Variants in WWOX observed in about 807,000 individuals in gnomAD.
The protein encoded by WWOX is WW domain containing oxidoreductase.
WWOX carries 69 observed loss-of-function variants against 46.2 expected under a neutral mutation model. The observed-to-expected ratio is 1.49, with a 90% CI of 1.23 to 1.82. WWOX has a LOEUF of 1.82. WWOX is among the 40% of genes most tolerant of loss of function. The probability of loss-of-function intolerance (pLI) is 0.00; values close to 1 mark genes in which losing one functional copy is unlikely to be tolerated. For synonymous variants in WWOX, 359 were observed against 202.6 expected, an observed-to-expected ratio of 1.77 and a Z score of -6.56; for missense variants, 919 against 542.6, an observed-to-expected ratio of 1.69 and a Z score of -6.89.
rs953162600 is a variant in WWOX, at chr16:78,846,431, A to AT, written c.1057-365169dup. On this transcript the variant is annotated intron_variant, in intron 8 of 8. Coordinates refer to ENST00000566780, the MANE Select transcript of WWOX (RefSeq NM_016373.4). ...GGTCTGGGACAGTTTCTCATGCATT[A>AT]TTTTTTTTAATGGCCTTGAAATTTT... 8.6e-5 allele frequency among the ~76,000 whole-genome samples: 13 copies of AT among 151,662 alleles called. No homozygotes were observed. The South Asian group carries it at 1.5e-3, about 17-fold the overall frequency.
At chr16:78,518,463 T>C (rs2043284107) in intron 8 of WWOX, among the ~76,000 whole-genome samples, 1 of 152,108 alleles carries the variant, frequency 6.6e-6, no homozygotes, top group South Asian at 2.1e-4. Context: ...TCAAGTGATC[T>C]GTCCGCCTCG....
intron 8 of WWOX, among the ~76,000 whole-genome samples, chr16:78,807,734 C>G (rs1159124831): frequency 1.3e-5 from 2 of 152,216 alleles, no homozygotes; most frequent in Admixed American, 6.5e-5. Context: ...TGGGGCTTCT[C>G]CAAAGTGGCC....
chr16:78,394,907 G>A (rs571899808), intron 6 of WWOX, among the ~76,000 whole-genome samples: 1 of 152,210 alleles, frequency 6.6e-6, no homozygotes, highest in South Asian at 2.1e-4. Context: ...CTTACTGGCT[G>A]TGTGGCTTTG....
intron 8 of WWOX, among the ~76,000 whole-genome samples, chr16:78,886,204 C>T (rs551004019): frequency 2.6e-4 from 39 of 150,266 alleles, no homozygotes; most frequent in Middle Eastern, 3.5e-3. Context: ...GGATTACAGG[C>T]ATGAACCACT....
chr16:78,975,949 A>T (rs1259375646), intron 8 of WWOX, among the ~76,000 whole-genome samples: 1 of 152,120 alleles, frequency 6.6e-6, no homozygotes, highest in African/African-American at 2.4e-5. Flanking sequence ...CCATCCCCTG[A>T]TACCCTCCTG....
intron 4 of WWOX, among the ~76,000 whole-genome samples, chr16:78,130,836 A>G (rs982324450): frequency 6.6e-6 from 1 of 152,226 alleles, no homozygotes; most frequent in South Asian, 2.1e-4. Context: ...AAAACACACC[A>G]AAATGCAGTC....
At chr16:78,328,796 C>T (rs558843618) in intron 5 of WWOX, among the ~76,000 whole-genome samples, 53 of 152,114 alleles carry the variant, frequency 3.5e-4, no homozygotes, top group African/African-American at 1.3e-3. Context: ...TGGCCTTGGT[C>T]TCAGGGTGGT....
At chr16:78,362,509 T>C (rs1449905280) in intron 5 of WWOX, among the ~76,000 whole-genome samples, 2 of 152,042 alleles carry the variant, frequency 1.3e-5, no homozygotes, top group Non-Finnish European at 2.9e-5. Context: ...CTCGGGAGGC[T>C]GAGGCAGCAG....
chr16:79,185,377 G>A (rs886437520), intron 8 of WWOX, among the ~76,000 whole-genome samples: 1 of 152,072 alleles, frequency 6.6e-6, no homozygotes, highest in Non-Finnish European at 1.5e-5. Flanking sequence ...TTTACAGTTT[G>A]AGGGGAAAAA....
chr16:78,572,540 C>A (rs543834325), intron 8 of WWOX, among the ~76,000 whole-genome samples: 157 of 135,686 alleles, frequency 1.2e-3, no homozygotes, highest in African/African-American at 4.3e-3. Flanking sequence ...AAGGTCGAGG[C>A]TGCAGTGAGC....
chr16:78,759,110 G>T (rs572524221), intron 8 of WWOX, among the ~76,000 whole-genome samples: 2 of 152,134 alleles, frequency 1.3e-5, no homozygotes, highest in African/African-American at 4.8e-5. Flanking sequence ...ATGGGTGCCA[G>T]TTAGGGATTC....
intron 8 of WWOX, among the ~76,000 whole-genome samples, chr16:78,639,963 A>C (rs961838193): frequency 6.6e-6 from 1 of 152,178 alleles, no homozygotes; most frequent in Non-Finnish European, 1.5e-5. Context: ...TTCGCAGGGC[A>C]CAGCTGGTTT....
At chr16:78,519,707 A>C (rs775998410) in intron 8 of WWOX, among the ~76,000 whole-genome samples, 35 of 151,954 alleles carry the variant, frequency 2.3e-4, no homozygotes, top group Admixed American at 2.0e-4. Context: ...GCCTTTATAA[A>C]ACAGACCCAA....
intron 8 of WWOX, among the ~76,000 whole-genome samples, chr16:78,447,684 G>A (rs1184611478): frequency 6.6e-6 from 1 of 152,212 alleles, no homozygotes; most frequent in Non-Finnish European, 1.5e-5. Flanking sequence ...AACCATGCAG[G>A]ATTCCATTTC....
At chr16:78,757,275 C>G (rs1183516332) in intron 8 of WWOX, among the ~76,000 whole-genome samples, 1 of 152,236 alleles carries the variant, frequency 6.6e-6, no homozygotes, top group Admixed American at 6.5e-5. Context: ...AAACCATTAA[C>G]TGTTCAGCAT....
chr16:78,734,617 C>T (rs528942808), intron 8 of WWOX, among the ~76,000 whole-genome samples: 8 of 151,992 alleles, frequency 5.3e-5, no homozygotes, highest in African/African-American at 1.9e-4. Flanking sequence ...TTGATTAGGT[C>T]CCAGTCACAG....
intron 8 of WWOX, among the ~76,000 whole-genome samples, chr16:78,545,228 G>A (rs2043999860): frequency 6.6e-6 from 1 of 152,114 alleles, no homozygotes; most frequent in South Asian, 2.1e-4. Flanking sequence ...CTTTTGTTGG[G>A]GAGCTGTTTG....
intron 8 of WWOX, among the ~76,000 whole-genome samples, chr16:78,849,283 A>ACGACAGGC (rs1442448018): frequency 1.3e-5 from 2 of 152,052 alleles, no homozygotes; most frequent in Non-Finnish European, 2.9e-5. Context: ...AAAAAACACA[A>ACGACAGGC]CGACAGGCCG....
intron 6 of WWOX, among the ~76,000 whole-genome samples, chr16:78,408,600 C>T (rs137997116): frequency 1.4e-3 from 213 of 152,314 alleles, no homozygotes; most frequent in Non-Finnish European, 1.8e-3. Context: ...ATCTCCTGTC[C>T]TACGTAGCTA....
Sources: gnomAD v4.1 joint callset for allele counts (sites outside exome capture counted in the v4.1 genomes callset) on GRCh38, gnomAD v4.1.1 for gene constraint, MANE v1.5 for transcripts, NCBI Gene and HGNC (gene_info 2026-07-23, HGNC 2026-07-21) for gene names.